Variants in ENTPD4 observed in about 807,000 individuals in gnomAD.
ENTPD4 encodes the protein Golgi UDPase.
In ENTPD4, 60 loss-of-function variants were observed where a neutral mutation model predicts 79.1. The ratio of observed to expected loss-of-function variants is 0.76; its 90% CI spans 0.62 to 0.94. The LOEUF (loss-of-function observed/expected upper bound fraction) is 0.94. Among genes scored for constraint, ENTPD4 ranks in the 40% least tolerant of loss-of-function variants. ENTPD4 has a pLI of 0.00. For synonymous variants in ENTPD4, 276 were observed against 292.0 expected (o/e 0.95, Z 0.56); for missense variants, 772 against 775.1 (o/e 1.00, Z 0.05).
At chr8:23,441,511 T>G in intron 8 of ENTPD4, 58 bp downstream of exon 8, 1 of 1,593,132 alleles carries the variant, frequency 6.3e-7, no homozygotes, top group Non-Finnish European at 8.6e-7. Flanking sequence ...ACAAGAACGA[T>G]GGACACACGT....
intron 12 of ENTPD4, 56 bp from the exon 13 acceptor site, chr8:23,433,210 A>T (rs1800492206): frequency 1.3e-6 from 2 of 1,507,808 alleles, no homozygotes; most frequent in Non-Finnish European, 1.8e-6. Context: ...AAGGGGTGGA[A>T]AGGGTGCACA....
Position 23,449,974 on chromosome 8 carries a change from G to A in ENTPD4, c.-74C>T, listed in dbSNP as rs971818731. 7 of 1,604,554 alleles carry A rather than the reference G, an allele frequency of 4.4e-6. No homozygotes were observed. The highest frequency in any genetic ancestry group is 5.1e-6 in the Non-Finnish European group (6 of 1,171,580). On this transcript the variant is annotated 5_prime_UTR_variant, in exon 2 of 13. Transcript: ENST00000358689. ...CAAACAATTATAGAAATAATGCTGG[G>A]GTCCTCACGGAGTTAGAGCCCTCCT...
intron 1 of ENTPD4, among the ~76,000 whole-genome samples, chr8:23,451,752 C>T (rs1272223197): frequency 6.6e-6 from 1 of 152,134 alleles, no homozygotes; most frequent in Admixed American, 6.5e-5. Context: ...AACTTGTTGC[C>T]CCCTCTACTA....
chr8:23,437,234 C>T lies in ENTPD4; in HGVS notation c.1074G>A (p.Leu358=). The T allele has an allele frequency of 6.2e-7, 1 of 1,610,682 alleles. No homozygotes were observed. The highest frequency in any genetic ancestry group is 1.7e-5 in the Admixed American group (1 of 59,656). ...KNRLLGKQTG[L]TPDMPYLDPC... ...GGTCCAAGTACGGCATATCAGGAGT[C>T]AGACCAGTCTGTTTACCCAGGAGCC... The change falls in exon 10 of 13, where the codon CTG becomes CTA. Residue 358 remains leucine, a synonymous_variant. Transcript: ENST00000358689.
chr8:23,456,486 G>C (rs1490239762), intron 1 of ENTPD4, among the ~76,000 whole-genome samples: 1 of 152,150 alleles, frequency 6.6e-6, no homozygotes, highest in African/African-American at 2.4e-5. Context: ...TAAATCCTTA[G>C]ATAAATGTTC....
chr8:23,438,274 G>T (rs1800607023), intron 9 of ENTPD4, among the ~76,000 whole-genome samples: 1 of 152,208 alleles, frequency 6.6e-6, no homozygotes. Flanking sequence ...AGCATGGTCA[G>T]AATTCAATAT....
At position 23,441,587 on chromosome 8, in the gene ENTPD4, G is replaced by T; in HGVS notation, c.864C>A (p.Ser288Arg). ...QIAYEVPKTVSFASSQQEEVA... is the reference protein window; with the variant it reads ...QIAYEVPKTVRFASSQQEEVA... ...TAATGACCTGCTGTGAGGACGCAAA[G>T]CTTACAGTTTTGGGGACTTCGTACG... The change falls in exon 8 of 13, where the codon AGC (serine) becomes AGA (arginine). Residue 288 changes from serine (S) to arginine (R), a missense_variant. Ser to Arg is a moderately radical substitution (Grantham distance 110). Transcript: ENST00000358689. The T allele has an allele frequency of 6.2e-7, 1 of 1,614,136 alleles. No individual in the cohort carries two copies. The highest frequency in any genetic ancestry group is 8.5e-7 in the Non-Finnish European group (1 of 1,180,000).
intron 1 of ENTPD4, among the ~76,000 whole-genome samples, chr8:23,457,220 A>C (rs1400113190): frequency 6.6e-6 from 1 of 152,198 alleles, no homozygotes; most frequent in Non-Finnish European, 1.5e-5. Flanking sequence ...TCCCGGGTGC[A>C]GCATCCCTGC....
At chr8:23,433,493 T>C (rs1282890469) in intron 12 of ENTPD4, among the ~76,000 whole-genome samples, 1 of 152,184 alleles carries the variant, frequency 6.6e-6, no homozygotes, top group East Asian at 1.9e-4. Flanking sequence ...ATTTTTACAG[T>C]TAACCCAGTT....
chr8:23,434,345 G>A lies in ENTPD4; in HGVS notation c.1594C>T (p.Leu532Phe). Residue 532 changes from leucine (L) to phenylalanine (F), a missense_variant, in exon 12 of 13, where the codon CTC becomes TTC. Physicochemically the swap from Leu to Phe is conservative, Grantham distance 22. Transcript: ENST00000358689. ...AATGGTAGAAAGCGGGTCCTGTAGA[G>A]GATGGCTCCAAGGGTCCACTGAACC... ...KEVQWTLGAI[L>F]YRTRFLPLRD... 6.2e-7 allele frequency: 1 copy of A among 1,614,198 alleles called. No homozygotes were observed. Among genetic ancestry groups the A allele is most frequent in the Non-Finnish European group, 8.5e-7 (1 of 1,180,022 alleles).
intron 3 of ENTPD4, 56 bp from the exon 4 acceptor site, chr8:23,447,941 T>C: frequency 6.9e-7 from 1 of 1,454,216 alleles, no homozygotes; most frequent in African/African-American, 1.4e-5. Flanking sequence ...ACCTGAAGTC[T>C]AACAGAGAAA....
In ENTPD4 at chr8:23,433,006, G is replaced by A. The variant is rs760240348; in HGVS notation, c.1771C>T (p.Arg591Cys). 1.3e-5 allele frequency: 21 copies of A among 1,613,884 alleles called. No individual in the cohort carries two copies. In the East Asian group the frequency reaches 2.7e-4, roughly 21 times the overall value. ...GCGGCCGAGCTGCTCCGGGGAGTGC[G>A]CCTGTGGATGCGCCGCAGCCGCAGC... ...YLLRLRRIHRRTPRSSSAAAL... is the reference protein window; with the variant it reads ...YLLRLRRIHRCTPRSSSAAAL... The change falls in exon 13 of 13, where the codon CGC becomes TGC. Residue 591 changes from arginine to cysteine, a missense_variant. Transcript: ENST00000358689.
At position 23,430,001 on chromosome 8, in the gene ENTPD4, A is replaced by G. The variant is rs1800427428; in HGVS notation, c.*2925T>C. ...GCATGTTTCTACCAAGATTGAACACAATGCTTTTCTTTGATAAAGCTTTGG... is the reference window on the plus strand; with the variant it reads ...GCATGTTTCTACCAAGATTGAACACGATGCTTTTCTTTGATAAAGCTTTGG... On this transcript the variant is annotated 3_prime_UTR_variant, in exon 13 of 13. Transcript: ENST00000358689. 2.0e-6 allele frequency: 2 copies of G among 985,370 alleles called. No individual in the cohort carries two copies. The highest frequency in any genetic ancestry group is 3.5e-5 in the African/African-American group (2 of 57,264). 61.0% of individuals were successfully genotyped at this position (985,370 alleles called of 1,614,324 possible).
At chr8:23,443,652 T>C (rs1452192285) in intron 6 of ENTPD4, among the ~76,000 whole-genome samples, 198 bp downstream of exon 6, 1 of 152,220 alleles carries the variant, frequency 6.6e-6, no homozygotes, top group Admixed American at 6.5e-5. Flanking sequence ...ACGGTTATCT[T>C]TCAGTGGCTT....
At chr8:23,447,912 G>T in intron 3 of ENTPD4, 27 bp from the exon 4 acceptor site, 2 of 1,583,992 alleles carry the variant, frequency 1.3e-6, no homozygotes, top group Non-Finnish European at 1.7e-6. Context: ...CGTATGCTTT[G>T]ATTTAGACAA....
Position 23,439,931 on chromosome 8 carries a change from T to C in ENTPD4, c.883-16A>G, listed in dbSNP as rs766955192. The C allele has an allele frequency of 1.4e-5, 23 of 1,610,906 alleles. No homozygotes were observed. Among genetic ancestry groups the C allele is most frequent in the Non-Finnish European group, 2.0e-5 (23 of 1,177,150 alleles). On this transcript the variant is annotated splice_polypyrimidine_tract_variant and intron_variant, in intron 8 of 12. Coordinates refer to ENST00000358689, the MANE Select transcript of ENTPD4 (RefSeq NM_004901.5). The stretch of plus-strand genomic sequence containing the variant: ...CTACTTCTTCCTGCAGACATAAGCA[T>C]AACAAACCTTAATAGCTTAAGCTAC...
At position 23,444,616 on chromosome 8, in the gene ENTPD4, C is replaced by A; in HGVS notation, c.413-10G>T. On this transcript the variant is annotated splice_polypyrimidine_tract_variant and intron_variant, in intron 4 of 12. Transcript: ENST00000358689. The stretch of plus-strand genomic sequence containing the variant: ...GCAAATTCTGAAATGCCTAGAGAAA[C>A]AGGATACTTTAGTTAAGAAGCAGAT... 3 of 1,612,808 alleles carry A rather than the reference C, an allele frequency of 1.9e-6. No individual in the cohort carries two copies. In the South Asian group the frequency reaches 3.3e-5, roughly 18 times the overall value.
Position 23,431,739 on chromosome 8 carries a change from A to T in ENTPD4, c.*1187T>A. 1.0e-6 allele frequency: 1 copy of T among 985,542 alleles called. No individual in the cohort carries two copies. Among genetic ancestry groups the T allele is most frequent in the Non-Finnish European group, 1.2e-6 (1 of 830,010 alleles). The allele number at this position is 985,542 out of a possible 1,614,324, so 61.0% of individuals were successfully genotyped here. On this transcript the variant is annotated 3_prime_UTR_variant, in exon 13 of 13. Coordinates refer to ENST00000358689, the MANE Select transcript of ENTPD4 (RefSeq NM_004901.5). The stretch of plus-strand genomic sequence containing the variant: ...GGAAGCTGGAAGAAACTGAGGCACG[A>T]TTAAGCAGAAACACTGAGGAATACT...
chr8:23,457,224 T>A (rs529913801), intron 1 of ENTPD4, among the ~76,000 whole-genome samples: 1 of 152,286 alleles, frequency 6.6e-6, no homozygotes, highest in Non-Finnish European at 1.5e-5. Flanking sequence ...GGGTGCAGCA[T>A]CCCTGCTGCC....
Sources: allele counts gnomAD v4.1 joint callset (sites outside exome capture counted in the v4.1 genomes callset), GRCh38; gene constraint gnomAD v4.1.1; transcripts MANE v1.5; gene names NCBI Gene and HGNC (gene_info 2026-07-23, HGNC 2026-07-21).